Variants in INSM1 observed in about 807,000 individuals in gnomAD.
The protein encoded by INSM1 is INSM transcriptional repressor 1.
Under a neutral mutation model 21.1 loss-of-function variants are expected in INSM1, and 11 were observed. The observed-to-expected ratio is 0.52, with a 90% CI of 0.33 to 0.86. The LOEUF (loss-of-function observed/expected upper bound fraction) is 0.86. Among genes scored for constraint, INSM1 ranks in the 40% least tolerant of loss-of-function variants. The pLI, the probability that INSM1 is intolerant of heterozygous loss-of-function variation, is 0.03. For synonymous variants in INSM1, 473 were observed against 386.1 expected (o/e 1.23, Z -2.64); for missense variants, 843 against 760.1 (o/e 1.11, Z -1.28).
In INSM1 at chr20:20,370,749, G is replaced by A. The variant is rs2122529673; in HGVS notation, c.*949G>A. ...AGTTTTAACTTTTATACCTATCTGA[G>A]TGAATTACAGACAACCTATCATTTA... On this transcript the variant is annotated 3_prime_UTR_variant, in exon 1 of 1. Coordinates refer to ENST00000310227, the MANE Select transcript of INSM1 (RefSeq NM_002196.3). The A allele has an allele frequency of 6.0e-6, 1 of 167,100 alleles. No individual in the cohort carries two copies. Among genetic ancestry groups the A allele is most frequent in the East Asian group, 1.9e-4 (1 of 5,196 alleles). The allele number at this position is 167,100 out of a possible 1,614,324, so 10.4% of individuals were successfully genotyped here.
chr20:20,369,470 GC>G lies in INSM1; in HGVS notation c.1208del (p.Pro403ArgfsTer32). ...TGCAGGCCAAGGGCGCGCCGCTAGC[GC>G]CCCCGGCCGAGGACCTACTGGCCTT... ...ALQAKGAPLA[P>X]PAEDLLALYP... On this transcript the variant is annotated frameshift_variant, in exon 1 of 1. Coordinates refer to ENST00000310227, the MANE Select transcript of INSM1 (RefSeq NM_002196.3). LOFTEE classifies it high-confidence loss of function. The surrounding 1 kb of genome is among the most constrained non-coding windows in gnomAD (Gnocchi z 5.6). The G allele has an allele frequency of 2.0e-6, 3 of 1,530,184 alleles. No homozygotes were observed. The highest frequency in any genetic ancestry group is 1.4e-5 in the African/African-American group (1 of 71,258). The allele number at this position is 1,530,184 out of a possible 1,614,324, so 94.8% of individuals were successfully genotyped here.
At position 20,370,194 on chromosome 20, in the gene INSM1, ATC is replaced by A; in HGVS notation, c.*398_*399del. The stretch of plus-strand genomic sequence containing the variant: ...CGGTCTGGTCTCGCCTCGCCTACCA[ATC>A]TCTGCTCTCTATGTATGTAGCGTAC... On this transcript the variant is annotated 3_prime_UTR_variant, in exon 1 of 1. Coordinates refer to ENST00000310227, the MANE Select transcript of INSM1 (RefSeq NM_002196.3). The A allele has an allele frequency of 5.1e-6, 1 of 197,752 alleles. No individual in the cohort carries two copies. The highest frequency in any genetic ancestry group is 1.1e-5 in the Non-Finnish European group (1 of 88,864). 12.2% of individuals were successfully genotyped at this position (197,752 alleles called of 1,614,324 possible).
At position 20,369,097 on chromosome 20, in the gene INSM1, C is replaced by G; in HGVS notation, c.830C>G (p.Ala277Gly). ...TGCCAGCTGTGCAAGGAGGAGTACG[C>G]CGACCCGTTCGCGCTGGCGCAGCAC... The part of the protein sequence containing the change: ...FICQLCKEEY[A>G]DPFALAQHKC... Residue 277 changes from alanine to glycine, a missense_variant, in exon 1 of 1, where the codon GCC becomes GGC. Coordinates refer to ENST00000310227, the MANE Select transcript of INSM1 (RefSeq NM_002196.3). This position sits in a 1 kb window ranked among gnomAD's most constrained non-coding sequence, Gnocchi z 5.6. 1 of 1,587,314 alleles carries G rather than the reference C, an allele frequency of 6.3e-7. No homozygotes were observed.
In INSM1 at chr20:20,369,285, C is replaced by T. The variant is rs565585600; in HGVS notation, c.1018C>T (p.Arg340Trp). The change falls in exon 1 of 1, where the codon CGG becomes TGG. Residue 340 changes from arginine to tryptophan, a missense_variant. Physicochemically the swap from Arg to Trp is moderately radical, Grantham distance 101. Coordinates refer to ENST00000310227, the MANE Select transcript of INSM1 (RefSeq NM_002196.3). The surrounding 1 kb of genome is among the most constrained non-coding windows in gnomAD (Gnocchi z 5.6). ...EPEAAARAEAREAPGGGSDRD... is the reference protein window; with the variant it reads ...EPEAAARAEAWEAPGGGSDRD... ...AGAAGCAGCAGCCAGGGCTGAGGCG[C>T]GGGAGGCACCCGGCGGCGGCAGCGA... 6.5e-5 allele frequency: 89 copies of T among 1,376,144 alleles called. No homozygotes were observed. The South Asian group carries it at 1.4e-3, about 22-fold the overall frequency. The allele number at this position is 1,376,144 out of a possible 1,614,324, so 85.2% of individuals were successfully genotyped here. A position where few individuals can be genotyped will look rare whatever the true frequency, so the allele number is the denominator to read the frequency against.
At position 20,368,155 on chromosome 20, in the gene INSM1, A is replaced by C. The variant is rs2059482427; in HGVS notation, c.-113A>C. The C allele has an allele frequency of 5.0e-6, 4 of 805,358 alleles. No individual in the cohort carries two copies. Among genetic ancestry groups the C allele is most frequent in the Admixed American group, 5.9e-5 (1 of 16,964 alleles). 49.9% of individuals were successfully genotyped at this position (805,358 alleles called of 1,614,324 possible). On this transcript the variant is annotated 5_prime_UTR_variant, in exon 1 of 1. Coordinates refer to ENST00000310227, the MANE Select transcript of INSM1 (RefSeq NM_002196.3). This position sits in a 1 kb window ranked among gnomAD's most constrained non-coding sequence, Gnocchi z 4.3. The stretch of plus-strand genomic sequence containing the variant: ...GCTGGGCCGAGCCGTCGCCGGCGCC[A>C]CGCGAGTCCCGCAGCCGCCGCGCCC...
In INSM1 at chr20:20,368,499, C is replaced by T; in HGVS notation, c.232C>T (p.Pro78Ser). The T allele has an allele frequency of 1.7e-6, 2 of 1,171,400 alleles. No homozygotes were observed. The highest frequency in any genetic ancestry group is 2.1e-6 in the Non-Finnish European group (2 of 939,206). 72.6% of individuals were successfully genotyped at this position (1,171,400 alleles called of 1,614,324 possible). Residue 78 changes from proline to serine, a missense_variant, in exon 1 of 1, where the codon CCA becomes TCA. Transcript: ENST00000310227. The surrounding 1 kb of genome is among the most constrained non-coding windows in gnomAD (Gnocchi z 4.3). ...AALACAPGPQ[P>S]PPQGPRAAHF... ...GCTTGCCTGCGCGCCTGGGCCGCAG[C>T]CACCCCCGCAGGGCCCGCGGGCCGC...
rs1233356643 is a variant in INSM1, at chr20:20,368,620, G to A, written c.353G>A (p.Arg118His). 2.0e-6 allele frequency: 3 copies of A among 1,463,704 alleles called. No homozygotes were observed. The highest frequency in any genetic ancestry group is 1.3e-5 in the South Asian group (1 of 79,846). The allele number at this position is 1,463,704 out of a possible 1,614,324, so 90.7% of individuals were successfully genotyped here. A position where few individuals can be genotyped will look rare whatever the true frequency, so the allele number is the denominator to read the frequency against. The change falls in exon 1 of 1, where the codon CGC becomes CAC. Residue 118 changes from arginine (R) to histidine (H), a missense_variant. Arg to His is a conservative substitution (Grantham distance 29). Coordinates refer to ENST00000310227, the MANE Select transcript of INSM1 (RefSeq NM_002196.3). This position sits in a 1 kb window ranked among gnomAD's most constrained non-coding sequence, Gnocchi z 4.3. ...CACGAGAAGCACAAGTACTTCGAAC[G>A]CAGCTTCAACCTGGGCTCGCCGGTC... ...REHEKHKYFE[R>H]SFNLGSPVSA...
chr20:20,368,192 C>A lies in INSM1; in HGVS notation c.-76C>A. On this transcript the variant is annotated 5_prime_UTR_variant, in exon 1 of 1. Transcript: ENST00000310227. The surrounding 1 kb of genome is among the most constrained non-coding windows in gnomAD (Gnocchi z 4.3). Reference sequence around the variant, plus strand: ...CAGCCGCCGCGCCCGGGCAATGGGCCGGGGGCACTGAGGGCCGCCGGGGCC... The same window carrying A: ...CAGCCGCCGCGCCCGGGCAATGGGCAGGGGGCACTGAGGGCCGCCGGGGCC... 9.9e-7 allele frequency: 1 copy of A among 1,013,668 alleles called. No individual in the cohort carries two copies. The allele number at this position is 1,013,668 out of a possible 1,614,324, so 62.8% of individuals were successfully genotyped here. A position where few individuals can be genotyped will look rare whatever the true frequency, so the allele number is the denominator to read the frequency against.
Position 20,368,422 on chromosome 20 carries a change from C to CGCT in INSM1, c.158_160dup (p.Leu53dup). On this transcript the variant is annotated inframe_insertion, in exon 1 of 1. Transcript: ENST00000310227. This position sits in a 1 kb window ranked among gnomAD's most constrained non-coding sequence, Gnocchi z 4.3. Reference sequence around the variant, plus strand: ...CCGGCGCCGAGCCCGGTCCCCGGGCCGCTGCCGCCGCCGCCGCCCGCGGAG... The same window carrying CGCT: ...CCGGCGCCGAGCCCGGTCCCCGGGCCGCTGCTGCCGCCGCCGCCGCCCGCGGAG... 4 of 989,002 alleles carry CGCT rather than the reference C, an allele frequency of 4.0e-6. No homozygotes were observed. The highest frequency in any genetic ancestry group is 4.8e-6 in the Non-Finnish European group (4 of 833,932). 61.3% of individuals were successfully genotyped at this position (989,002 alleles called of 1,614,324 possible).
In INSM1 at chr20:20,369,258, C is replaced by A. The variant is rs1478191030; in HGVS notation, c.991C>A (p.Pro331Thr). ...PAPAAARAPE[P>T]EAAARAEARE... ...GCCCGCCGCCGCCCGCGCGCCGGAGCCAGAAGCAGCAGCCAGGGCTGAGGC... is the reference window on the plus strand; with the variant it reads ...GCCCGCCGCCGCCCGCGCGCCGGAGACAGAAGCAGCAGCCAGGGCTGAGGC... The change falls in exon 1 of 1, where the codon CCA becomes ACA. Residue 331 changes from proline to threonine, a missense_variant. Transcript: ENST00000310227. The surrounding 1 kb of genome is among the most constrained non-coding windows in gnomAD (Gnocchi z 5.6). 7.0e-7 allele frequency: 1 copy of A among 1,438,388 alleles called. No homozygotes were observed. The allele number at this position is 1,438,388 out of a possible 1,614,324, so 89.1% of individuals were successfully genotyped here. A position where few individuals can be genotyped will look rare whatever the true frequency, so the allele number is the denominator to read the frequency against.
In INSM1 at chr20:20,369,039, G is replaced by C; in HGVS notation, c.772G>C (p.Gly258Arg). The C allele has an allele frequency of 6.5e-7, 1 of 1,545,422 alleles. No individual in the cohort carries two copies. The highest frequency in any genetic ancestry group is 8.7e-7 in the Non-Finnish European group (1 of 1,152,540). ...GGTGGAGGCGCCGCGGGGCCGCGCG[G>C]GGGGCGCGGCGCGGCCGCTGGGCGA... ...GPVEAPRGRA[G>R]GAARPLGEFI... Residue 258 changes from glycine (G) to arginine (R), a missense_variant, in exon 1 of 1, where the codon GGG becomes CGG. Coordinates refer to ENST00000310227, the MANE Select transcript of INSM1 (RefSeq NM_002196.3). This position sits in a 1 kb window ranked among gnomAD's most constrained non-coding sequence, Gnocchi z 5.6.
chr20:20,368,456 T>A lies in INSM1; in HGVS notation c.189T>A (p.His63Gln). 1 of 1,020,372 alleles carries A rather than the reference T, an allele frequency of 9.8e-7. No homozygotes were observed. The highest frequency in any genetic ancestry group is 1.2e-6 in the Non-Finnish European group (1 of 852,858). 63.2% of individuals were successfully genotyped at this position (1,020,372 alleles called of 1,614,324 possible). A position where few individuals can be genotyped will look rare whatever the true frequency, so the allele number is the denominator to read the frequency against. The part of the protein sequence containing the change: ...LPPPPPAERA[H>Q]AALAAALACA... ...CGCCGCCGCCCGCGGAGCGCGCCCA[T>A]GCAGCGCTCGCCGCCGCGCTTGCCT... The change falls in exon 1 of 1, where the codon CAT (histidine) becomes CAA (glutamine). Residue 63 changes from histidine to glutamine, a missense_variant. Transcript: ENST00000310227. This position sits in a 1 kb window ranked among gnomAD's most constrained non-coding sequence, Gnocchi z 4.3.
Position 20,369,630 on chromosome 20 carries a change from G to C in INSM1, c.1363G>C (p.Ala455Pro), listed in dbSNP as rs564197812. Residue 455 changes from alanine to proline, a missense_variant, in exon 1 of 1, where the codon GCT (alanine) becomes CCT (proline). Physicochemically the swap from Ala to Pro is conservative, Grantham distance 27. Coordinates refer to ENST00000310227, the MANE Select transcript of INSM1 (RefSeq NM_002196.3). The surrounding 1 kb of genome is among the most constrained non-coding windows in gnomAD (Gnocchi z 5.6). The stretch of plus-strand genomic sequence containing the variant: ...CGGAGAGTCGTTCGCCAGCAAGGGC[G>C]CTCAGGAGCGCCACCTGCGCCTGCT... The part of the protein sequence containing the change: ...VCGESFASKG[A>P]QERHLRLLHA... 6.2e-7 allele frequency: 1 copy of C among 1,600,668 alleles called. No individual in the cohort carries two copies. The highest frequency in any genetic ancestry group is 1.7e-5 in the Admixed American group (1 of 60,000).
rs1407332656 is a variant in INSM1 at position 20,368,406 on chromosome 20, A to G, written c.139A>G (p.Ser47Gly). The G allele has an allele frequency of 1.0e-6, 1 of 1,003,506 alleles. No individual in the cohort carries two copies. The highest frequency in any genetic ancestry group is 1.2e-6 in the Non-Finnish European group (1 of 843,524). The allele number at this position is 1,003,506 out of a possible 1,614,324, so 62.2% of individuals were successfully genotyped here. ...GGARAEPPAP[S>G]PVPGPLPPPP... ...CGCCCGCGCCGAGCCCCCGGCGCCG[A>G]GCCCGGTCCCCGGGCCGCTGCCGCC... Residue 47 changes from serine to glycine, a missense_variant, in exon 1 of 1, where the codon AGC (serine) becomes GGC (glycine). Transcript: ENST00000310227. This position sits in a 1 kb window ranked among gnomAD's most constrained non-coding sequence, Gnocchi z 4.3.
chr20:20,368,589 C>A lies in INSM1; in HGVS notation c.322C>A (p.Arg108Ser). Residue 108 changes from arginine (R) to serine (S), a missense_variant, in exon 1 of 1, where the codon CGC becomes AGC. Coordinates refer to ENST00000310227, the MANE Select transcript of INSM1 (RefSeq NM_002196.3). This position sits in a 1 kb window ranked among gnomAD's most constrained non-coding sequence, Gnocchi z 4.3. ...CTACAGTCCCACGCGGCCCGTGAGCCGCGAGCACGAGAAGCACAAGTACTT... is the reference window on the plus strand; with the variant it reads ...CTACAGTCCCACGCGGCCCGTGAGCAGCGAGCACGAGAAGCACAAGTACTT... ...PLYSPTRPVSREHEKHKYFER... is the reference protein window; with the variant it reads ...PLYSPTRPVSSEHEKHKYFER... 2 of 1,467,438 alleles carry A rather than the reference C, an allele frequency of 1.4e-6. No individual in the cohort carries two copies. Among genetic ancestry groups the A allele is most frequent in the Non-Finnish European group, 1.8e-6 (2 of 1,097,840 alleles). 90.9% of individuals were successfully genotyped at this position (1,467,438 alleles called of 1,614,324 possible).
At position 20,369,976 on chromosome 20, in the gene INSM1, T is replaced by C. The variant is rs2059493994; in HGVS notation, c.*176T>C. The C allele has an allele frequency of 3.5e-6, 2 of 576,640 alleles. No individual in the cohort carries two copies. Among genetic ancestry groups the C allele is most frequent in the Middle Eastern group, 4.7e-4 (1 of 2,116 alleles). The allele number at this position is 576,640 out of a possible 1,614,324, so 35.7% of individuals were successfully genotyped here. On this transcript the variant is annotated 3_prime_UTR_variant, in exon 1 of 1. Coordinates refer to ENST00000310227, the MANE Select transcript of INSM1 (RefSeq NM_002196.3). The surrounding 1 kb of genome is among the most constrained non-coding windows in gnomAD (Gnocchi z 5.6). ...GTGGCGTGACGGTAACCCCATACTCTCCTTTTGACTCCTTTTGGAACCCCC... is the reference window on the plus strand; with the variant it reads ...GTGGCGTGACGGTAACCCCATACTCCCCTTTTGACTCCTTTTGGAACCCCC...
Position 20,368,668 on chromosome 20 carries a change from C to T in INSM1, c.401C>T (p.Pro134Leu). 1 of 1,398,582 alleles carries T rather than the reference C, an allele frequency of 7.2e-7. No homozygotes were observed. Among genetic ancestry groups the T allele is most frequent in the Non-Finnish European group, 9.5e-7 (1 of 1,058,046 alleles). The allele number at this position is 1,398,582 out of a possible 1,614,324, so 86.6% of individuals were successfully genotyped here. ...GTCTCGGCCGAGTCCTTCCCCACGC[C>T]CGCCGCGCTGCTCGGAGGGGGCGGC... ...SPVSAESFPT[P>L]AALLGGGGGG... The change falls in exon 1 of 1, where the codon CCC (proline) becomes CTC (leucine). Residue 134 changes from proline to leucine, a missense_variant. By Grantham distance (98) the Pro-to-Leu change is moderately conservative. Transcript: ENST00000310227. The surrounding 1 kb of genome is among the most constrained non-coding windows in gnomAD (Gnocchi z 4.3).
In INSM1 at chr20:20,368,285, G is replaced by A. The variant is rs1398452397; in HGVS notation, c.18G>A (p.Leu6=). Residue 6 remains leucine (L), a synonymous_variant, in exon 1 of 1, where the codon CTG becomes CTA. Coordinates refer to ENST00000310227, the MANE Select transcript of INSM1 (RefSeq NM_002196.3). The surrounding 1 kb of genome is among the most constrained non-coding windows in gnomAD (Gnocchi z 4.3). ...GCGCCAACATGCCCCGCGGCTTCCT[G>A]GTGAAGCGCAGCAAGAAGTCCACGC... The part of the protein sequence containing the change: MPRGF[L]VKRSKKSTPV... 7.7e-7 allele frequency: 1 copy of A among 1,303,328 alleles called. No homozygotes were observed. The highest frequency in any genetic ancestry group is 9.9e-7 in the Non-Finnish European group (1 of 1,010,688). 80.7% of individuals were successfully genotyped at this position (1,303,328 alleles called of 1,614,324 possible).
rs2059485023 is a variant in INSM1, at chr20:20,368,543, G to C, written c.276G>C (p.Glu92Asp). Residue 92 changes from glutamate (E) to aspartate (D), a missense_variant, in exon 1 of 1, where the codon GAG (glutamate) becomes GAC (aspartate). By Grantham distance (45) the Glu-to-Asp change is conservative. Coordinates refer to ENST00000310227, the MANE Select transcript of INSM1 (RefSeq NM_002196.3). The surrounding 1 kb of genome is among the most constrained non-coding windows in gnomAD (Gnocchi z 4.3). The part of the protein sequence containing the change: ...GPRAAHFGNP[E>D]AAHPAPLYSP... Reference sequence around the variant, plus strand: ...GGGCCGCGCACTTCGGCAACCCCGAGGCTGCGCACCCCGCGCCGCTCTACA... The same window carrying C: ...GGGCCGCGCACTTCGGCAACCCCGACGCTGCGCACCCCGCGCCGCTCTACA... 7.3e-7 allele frequency: 1 copy of C among 1,373,014 alleles called. No individual in the cohort carries two copies. The highest frequency in any genetic ancestry group is 9.6e-7 in the Non-Finnish European group (1 of 1,043,798). The allele number at this position is 1,373,014 out of a possible 1,614,324, so 85.1% of individuals were successfully genotyped here.
Sources: gnomAD v4.1 joint callset for allele counts on GRCh38, gnomAD v4.1.1 for gene constraint, Gnocchi (gnomAD v3.1) non-coding constraint, MANE v1.5 for transcripts, NCBI Gene and HGNC (gene_info 2026-07-23, HGNC 2026-07-21) for gene names.